The following AGFG1 variants were observed in gnomAD, a reference collection of about 807,000 sequenced individuals.
AGFG1 encodes the protein ArfGAP with FG repeats 1.
In AGFG1, 10 loss-of-function variants were observed where a neutral mutation model predicts 60.6. That is an observed-to-expected ratio of 0.16 (90% CI 0.10 to 0.28). The LOEUF (loss-of-function observed/expected upper bound fraction) is 0.28, where lower values mean the gene tolerates loss of function less well. AGFG1 is among the 10% of genes least tolerant of loss of function. The pLI is 1.00. For missense variants in AGFG1, 537 were observed against 676.5 expected (o/e 0.79, Z 2.29); for synonymous variants, 247 against 242.9 (o/e 1.02, Z -0.16).
chr2:227,484,525 C>T (rs1288993888), intron 1 of AGFG1, among the ~76,000 whole-genome samples: 1 of 151,916 alleles, frequency 6.6e-6, no homozygotes, highest in East Asian at 1.9e-4. Context: ...CCCTTTTTTC[C>T]TTCTGTTAGT....
intron 2 of AGFG1, among the ~76,000 whole-genome samples, chr2:227,506,419 C>T (rs1691313411): frequency 6.6e-6 from 1 of 152,162 alleles, no homozygotes; most frequent in African/African-American, 2.4e-5. Context: ...GGCCATCTCT[C>T]TTCTGGGATT....
At chr2:227,533,121 CT>C (rs1692212212) in intron 6 of AGFG1, among the ~76,000 whole-genome samples, 1 of 152,172 alleles carries the variant, frequency 6.6e-6, no homozygotes, top group Non-Finnish European at 1.5e-5. Flanking sequence ...ATCGCTACCC[CT>C]GGGATTGTTT....
chr2:227,485,029 G>GT (rs755643678), intron 1 of AGFG1, among the ~76,000 whole-genome samples: 2 of 151,782 alleles, frequency 1.3e-5, no homozygotes, highest in South Asian at 2.1e-4. Context: ...TTTTTGTTTT[G>GT]TTTTTTATCT....
At chr2:227,535,064 T>C (rs1174149041) in intron 8 of AGFG1, 39 bp downstream of exon 8, 5 of 1,442,632 alleles carry the variant, frequency 3.5e-6, no homozygotes, top group Admixed American at 2.4e-5. Flanking sequence ...TTGTGTTTTA[T>C]CTTTTTTTTC....
intron 1 of AGFG1, among the ~76,000 whole-genome samples, chr2:227,485,805 T>G (rs1188227146): frequency 1.3e-5 from 2 of 152,218 alleles, no homozygotes; most frequent in African/African-American, 4.8e-5. Context: ...TATTTCCTGC[T>G]CATTTTTACT....
chr2:227,502,188 G>C (rs921639056), intron 2 of AGFG1, among the ~76,000 whole-genome samples: 3 of 152,070 alleles, frequency 2.0e-5, no homozygotes, highest in African/African-American at 7.2e-5. Context: ...AGTTATGCAC[G>C]TGGATGCTTG....
At chr2:227,491,801 A>T (rs373558335) in intron 2 of AGFG1, among the ~76,000 whole-genome samples, 161 bp downstream of exon 2, 8 of 152,152 alleles carry the variant, frequency 5.3e-5, no homozygotes, top group Admixed American at 3.9e-4. Context: ...TTAATAATGT[A>T]TTTGGAATTA....
chr2:227,515,328 A>G (rs1302842785), intron 2 of AGFG1, among the ~76,000 whole-genome samples: 1 of 152,166 alleles, frequency 6.6e-6, no homozygotes, highest in Non-Finnish European at 1.5e-5. Flanking sequence ...CTTGACCTCC[A>G]GTGATCCTTC....
chr2:227,509,325 A>G (rs770493364), intron 2 of AGFG1, among the ~76,000 whole-genome samples: 21 of 152,176 alleles, frequency 1.4e-4, no homozygotes, highest in Non-Finnish European at 2.8e-4. Flanking sequence ...GTACTCTTCA[A>G]AGATATCATA....
At chr2:227,534,665 G>A (rs991221573) in intron 7 of AGFG1, among the ~76,000 whole-genome samples, 180 bp from the exon 8 acceptor site, 3 of 152,052 alleles carry the variant, frequency 2.0e-5, no homozygotes, top group African/African-American at 7.2e-5. Flanking sequence ...TTATCACAGT[G>A]GTATGTATAA....
In AGFG1 at chr2:227,551,991, C is replaced by G; in HGVS notation, c.1411C>G (p.Pro471Ala). 1 of 1,614,158 alleles carries G rather than the reference C, an allele frequency of 6.2e-7. No individual in the cohort carries two copies. Among genetic ancestry groups the G allele is most frequent in the Non-Finnish European group, 8.5e-7 (1 of 1,180,024 alleles). Residue 471 changes from proline (P) to alanine (A), a missense_variant, in exon 11 of 13, where the codon CCC becomes GCC. Physicochemically the swap from Pro to Ala is conservative, Grantham distance 27 (BLOSUM62 -1). Around this residue, in one of 4 missense-constraint regions of AGFG1, gnomAD observed 287 missense variants for 343.6 expected, o/e 0.84. Transcript: ENST00000310078. ...ATFGTASMSM[P>A]TGFGTPAPYS... The stretch of plus-strand genomic sequence containing the variant: ...CTTTGGCACTGCATCCATGAGCATG[C>G]CCACAGGATTCGGCACTCCTGCTCC...
At chr2:227,534,627 A>T (rs1162506700) in intron 7 of AGFG1, among the ~76,000 whole-genome samples, 1 of 152,120 alleles carries the variant, frequency 6.6e-6, no homozygotes, top group Non-Finnish European at 1.5e-5. Context: ...ACAGAGTGTT[A>T]ATTTTTGTTA....
At chr2:227,487,164 C>T (rs1022973144) in intron 1 of AGFG1, among the ~76,000 whole-genome samples, 2 of 152,162 alleles carry the variant, frequency 1.3e-5, no homozygotes, top group East Asian at 1.9e-4. Flanking sequence ...TCAGCATAGA[C>T]GTTCACATTC....
At chr2:227,499,565 AGCAG>A (rs561112655) in intron 2 of AGFG1, among the ~76,000 whole-genome samples, 53 of 152,004 alleles carry the variant, frequency 3.5e-4, no homozygotes, top group African/African-American at 9.6e-4. Context: ...ACTTGAACCC[AGCAG>A]GCAGAGGTTG....
chr2:227,520,228 T>C (rs1691785481), intron 3 of AGFG1, among the ~76,000 whole-genome samples, 165 bp downstream of exon 3: 1 of 152,208 alleles, frequency 6.6e-6, no homozygotes. Flanking sequence ...CTGAAAACCT[T>C]TACTTCTACT....
chr2:227,516,688 G>A (rs1327906821), intron 2 of AGFG1, among the ~76,000 whole-genome samples: 1 of 152,198 alleles, frequency 6.6e-6, no homozygotes, highest in Non-Finnish European at 1.5e-5. Context: ...CGAGTGCCAA[G>A]ATGGCAGCTC....
intron 1 of AGFG1, among the ~76,000 whole-genome samples, chr2:227,480,018 G>C (rs535072903): frequency 2.0e-5 from 3 of 152,316 alleles, no homozygotes; most frequent in Admixed American, 6.5e-5. Flanking sequence ...ATGTTTTGTA[G>C]AGGTCATAAT....
At chr2:227,512,633 T>A (rs954246249) in intron 2 of AGFG1, among the ~76,000 whole-genome samples, 2 of 152,220 alleles carry the variant, frequency 1.3e-5, no homozygotes, top group Non-Finnish European at 2.9e-5. Flanking sequence ...AGGTCCACGG[T>A]ACCTGTTTAG....
At chr2:227,534,426 G>A (rs1281816612) in intron 7 of AGFG1, among the ~76,000 whole-genome samples, 3 of 152,100 alleles carry the variant, frequency 2.0e-5, no homozygotes, top group Admixed American at 6.6e-5. Flanking sequence ...AATGTTTCCC[G>A]TTATTACCAT....
Sources: allele counts gnomAD v4.1 joint callset (sites outside exome capture counted in the v4.1 genomes callset), GRCh38; gene constraint gnomAD v4.1.1; regional missense constraint gnomAD v4.1.1; transcripts MANE v1.5; gene names NCBI Gene and HGNC (gene_info 2026-07-23, HGNC 2026-07-21).